Variants in SP4 observed in about 807,000 individuals in gnomAD.
SP4 encodes the protein transcription factor Sp4.
A neutral mutation model predicts 72.8 loss-of-function variants in SP4; 19 were observed. That is an observed-to-expected ratio of 0.26 (90% CI 0.18 to 0.38). SP4 has a LOEUF of 0.38. Ranked by LOEUF, SP4 falls within the 10% of genes least tolerant of loss-of-function variation. The pLI, the probability that SP4 is intolerant of heterozygous loss-of-function variation, is 1.00. For missense variants in SP4, 1,008 were observed against 926.3 expected, an observed-to-expected ratio of 1.09 and a Z score of -1.14; for synonymous variants, 395 against 333.1, an observed-to-expected ratio of 1.19 and a Z score of -2.02.
rs1385889413 is a variant in SP4 at position 21,428,129 on chromosome 7, C to T, written c.-123C>T. 3.6e-5 allele frequency: 26 copies of T among 714,166 alleles called. No individual in the cohort carries two copies. Among genetic ancestry groups the T allele is most frequent in the Non-Finnish European group, 5.7e-5 (22 of 384,264 alleles). The allele number at this position is 714,166 out of a possible 1,614,324, so 44.2% of individuals were successfully genotyped here. ...GCGGAAAAAGAGGCAGAGCCTGTGC[C>T]AGCTACAGCCTCCTCCGAGCCACCG... On this transcript the variant is annotated 5_prime_UTR_variant, in exon 1 of 6. Transcript: ENST00000222584.
At chr7:21,480,286 A>G (rs562467275) in intron 4 of SP4, among the ~76,000 whole-genome samples, 33 of 152,328 alleles carry the variant, frequency 2.2e-4, no homozygotes, top group African/African-American at 7.5e-4. Flanking sequence ...TGAATTGGAA[A>G]GTATTCCCTC....
intron 3 of SP4, among the ~76,000 whole-genome samples, chr7:21,440,182 C>G (rs1245906224): frequency 2.0e-5 from 3 of 152,124 alleles, no homozygotes; most frequent in Non-Finnish European, 4.4e-5. Flanking sequence ...AGTTGTACCA[C>G]TCTGGGCAAA....
intron 5 of SP4, among the ~76,000 whole-genome samples, chr7:21,503,452 G>C (rs1781918840): frequency 1.3e-5 from 2 of 152,180 alleles, no homozygotes; most frequent in South Asian, 4.1e-4. Flanking sequence ...GAGAGTTTGA[G>C]TCATTCTTTC....
At chr7:21,456,600 G>A (rs1036681958) in intron 3 of SP4, among the ~76,000 whole-genome samples, 1 of 152,228 alleles carries the variant, frequency 6.6e-6, no homozygotes, top group Non-Finnish European at 1.5e-5. Context: ...CGAAGAGGCA[G>A]ATGTGCCCCT....
At chr7:21,483,957 T>G (rs544593398) in intron 5 of SP4, among the ~76,000 whole-genome samples, 1 of 151,996 alleles carries the variant, frequency 6.6e-6, no homozygotes, top group East Asian at 1.9e-4. Flanking sequence ...GAAATAAAAC[T>G]GACATTTCTA....
intron 5 of SP4, among the ~76,000 whole-genome samples, chr7:21,510,648 A>G (rs1039969076): frequency 6.6e-6 from 1 of 152,206 alleles, no homozygotes; most frequent in Admixed American, 6.5e-5. Context: ...AGCAGTTTTG[A>G]AGAAGAGTGG....
intron 3 of SP4, among the ~76,000 whole-genome samples, chr7:21,461,183 G>A (rs572703877): frequency 8.5e-5 from 13 of 152,342 alleles, no homozygotes; most frequent in South Asian, 2.1e-4. Flanking sequence ...TGCCAGTCCC[G>A]TGCCATGCGC....
In SP4 at chr7:21,429,196, A is replaced by G. The variant is rs989749369; in HGVS notation, c.124-93A>G. ...TCCTAAATTGTTATGTAGAGCTGTC[A>G]AAATAAGTAACCCCCTGGCAACTAC... is the stretch of plus-strand genomic sequence containing the variant. On this transcript the variant is annotated intron_variant, in intron 2 of 5. Coordinates refer to ENST00000222584, the MANE Select transcript of SP4 (RefSeq NM_003112.5). The G allele has an allele frequency of 2.7e-4, 181 of 672,634 alleles. No homozygotes were observed. In the African/African-American group the frequency reaches 3.1e-3, roughly 11 times the overall value. 41.7% of individuals were successfully genotyped at this position (672,634 alleles called of 1,614,324 possible). A position where few individuals can be genotyped will look rare whatever the true frequency, so the allele number is the denominator to read the frequency against.
intron 4 of SP4, among the ~76,000 whole-genome samples, chr7:21,478,567 G>T (rs543248399): frequency 6.6e-6 from 1 of 152,266 alleles, no homozygotes; most frequent in Non-Finnish European, 1.5e-5. Flanking sequence ...AGCTATCCTA[G>T]TGAAGTCATA....
chr7:21,491,170 A>T (rs1199096355), intron 5 of SP4, among the ~76,000 whole-genome samples: 1 of 152,250 alleles, frequency 6.6e-6, no homozygotes, highest in Non-Finnish European at 1.5e-5. Flanking sequence ...AGCGTGACTG[A>T]AATCAATGGA....
At position 21,472,274 on chromosome 7, in the gene SP4, ATTGT is replaced by A. The variant is rs141136006; in HGVS notation, c.1679-4786_1679-4783del. ...AAGAGTAGAGGGTGTATTTTGTTTG[ATTGT>A]TTGTTTGTTTGTTTGTTTTTGAGAG... On this transcript the variant is annotated intron_variant, in intron 3 of 5. Transcript: ENST00000222584. Among the ~76,000 whole-genome samples the A allele has an allele frequency of 7.9e-5, 12 of 151,142 alleles. No homozygotes were observed. The East Asian group carries it at 9.8e-4, about 12-fold the overall frequency.
chr7:21,466,038 G>A (rs926670917), intron 3 of SP4, among the ~76,000 whole-genome samples: 22 of 152,096 alleles, frequency 1.4e-4, no homozygotes, highest in Non-Finnish European at 2.5e-4. Context: ...CCTGTCAGTG[G>A]ATTCATCTCC....
At chr7:21,428,945 T>G (rs1478690967) in intron 2 of SP4, 153 bp downstream of exon 2, 9 of 668,322 alleles carry the variant, frequency 1.3e-5, no homozygotes, top group Non-Finnish European at 2.3e-5. Context: ...ATTCATCAAG[T>G]TTTCACCTCT....
At chr7:21,466,183 T>G (rs943169519) in intron 3 of SP4, among the ~76,000 whole-genome samples, 1 of 152,190 alleles carries the variant, frequency 6.6e-6, no homozygotes, top group East Asian at 1.9e-4. Context: ...AGGTGAGGGC[T>G]TCTGGTCAGA....
chr7:21,489,838 G>T (rs564189052), intron 5 of SP4, among the ~76,000 whole-genome samples: 2 of 152,104 alleles, frequency 1.3e-5, no homozygotes, highest in East Asian at 2.0e-4. Flanking sequence ...GATTACAGGC[G>T]TGAGCCACTG....
At chr7:21,495,422 TA>T (rs1416611165) in intron 5 of SP4, among the ~76,000 whole-genome samples, 1 of 151,190 alleles carries the variant, frequency 6.6e-6, no homozygotes, top group African/African-American at 2.4e-5. Context: ...TTTTTTTTTT[TA>T]AATGAGCAAA....
At position 21,428,176 on chromosome 7, in the gene SP4, T is replaced by TCCGGCCCCCCCCCCCCC; in HGVS notation, c.-74_-73insGGCCCCCCCCCCCCCCC. ...ACCGCGGGCGGGCGGGACCGGCCTC[T>TCCGGCCCCCCCCCCCCC]CCTCCCGCCTCGCCCCCACCCCCAC... On this transcript the variant is annotated 5_prime_UTR_variant, in exon 1 of 6. Coordinates refer to ENST00000222584, the MANE Select transcript of SP4 (RefSeq NM_003112.5). 1 of 718,778 alleles carries TCCGGCCCCCCCCCCCCC rather than the reference T, an allele frequency of 1.4e-6. No individual in the cohort carries two copies. Among genetic ancestry groups the TCCGGCCCCCCCCCCCCC allele is most frequent in the East Asian group, 3.0e-5 (1 of 33,532 alleles). 44.5% of individuals were successfully genotyped at this position (718,778 alleles called of 1,614,324 possible).
At chr7:21,468,061 A>G (rs902484172) in intron 3 of SP4, among the ~76,000 whole-genome samples, 1 of 152,136 alleles carries the variant, frequency 6.6e-6, no homozygotes, top group African/African-American at 2.4e-5. Flanking sequence ...CTTACTATTT[A>G]CTATAAGAAA....
intron 3 of SP4, among the ~76,000 whole-genome samples, chr7:21,473,988 GTCAATTAACGGGCT>G (rs1784420345): frequency 6.6e-6 from 1 of 152,208 alleles, no homozygotes; most frequent in Admixed American, 6.5e-5. Flanking sequence ...TCTAGATGAA[GTCAATTAACGGGCT>G]TCAATATACA....
Sources: gnomAD v4.1 joint callset for allele counts (sites outside exome capture counted in the v4.1 genomes callset) on GRCh38, gnomAD v4.1.1 for gene constraint, MANE v1.5 for transcripts, NCBI Gene and HGNC (gene_info 2026-07-23, HGNC 2026-07-21) for gene names.